Variants in PPFIBP2 observed in about 807,000 individuals in gnomAD.
The protein encoded by PPFIBP2 is liprin-beta-2.
A neutral mutation model predicts 118.3 loss-of-function variants in PPFIBP2; 118 were observed. The ratio of observed to expected loss-of-function variants is 1.00; its 90% confidence interval spans 0.86 to 1.16. The LOEUF (loss-of-function observed/expected upper bound fraction) is 1.16. Ranked by LOEUF, PPFIBP2 falls within the 50% of genes most tolerant of loss-of-function variation. The probability of loss-of-function intolerance (pLI) is 0.00; values close to 1 mark genes in which losing one functional copy is unlikely to be tolerated. For missense variants in PPFIBP2, 1,195 were observed against 1,073.1 expected (o/e 1.11, Z -1.59); for synonymous variants, 414 against 397.4 (o/e 1.04, Z -0.50).
chr11:7,654,335 G>A (rs987043099), downstream of PPFIBP2, among the ~76,000 whole-genome samples: 1 of 152,192 alleles, frequency 6.6e-6, no homozygotes, highest in Admixed American at 6.5e-5. Context: ...TGCCAGTCTG[G>A]ACTCCTGGTC....
chr11:7,567,062 G>A (rs1855080546), intron 3 of PPFIBP2, among the ~76,000 whole-genome samples: 1 of 152,090 alleles, frequency 6.6e-6, no homozygotes, highest in South Asian at 2.1e-4. Context: ...ATAACGTTTA[G>A]GTGCTTTCTG....
At chr11:7,584,259 C>G (rs1019752487) in intron 3 of PPFIBP2, among the ~76,000 whole-genome samples, 5 of 152,122 alleles carry the variant, frequency 3.3e-5, no homozygotes, top group African/African-American at 1.2e-4. Context: ...ATTGGTCAAC[C>G]AAGAAGCTAT....
chr11:7,536,436 C>G (rs1851222747), intron 1 of PPFIBP2, among the ~76,000 whole-genome samples: 1 of 151,990 alleles, frequency 6.6e-6, no homozygotes, highest in Admixed American at 6.6e-5. Flanking sequence ...GAGGAAGGAG[C>G]AGAAGAGGGA....
intron 2 of PPFIBP2, among the ~76,000 whole-genome samples, chr11:7,555,599 C>T (rs1853519934): frequency 6.6e-6 from 1 of 152,120 alleles, no homozygotes; most frequent in African/African-American, 2.4e-5. Flanking sequence ...TTGTGAGAGC[C>T]CTGCTAGGAC....
intron 1 of PPFIBP2, among the ~76,000 whole-genome samples, chr11:7,544,772 T>C (rs1590183960): frequency 1.2e-5 from 1 of 86,144 alleles, no homozygotes; most frequent in Non-Finnish European, 2.2e-5. Flanking sequence ...AGACTCCATC[T>C]AAAAAAAAAA....
intron 3 of PPFIBP2, among the ~76,000 whole-genome samples, chr11:7,591,014 C>T (rs942391251): frequency 3.9e-5 from 6 of 152,176 alleles, no homozygotes; most frequent in African/African-American, 9.7e-5. Context: ...TGGCTGCTAG[C>T]GTGGATCTAG....
At chr11:7,610,033 T>A (rs995073199) in intron 5 of PPFIBP2, among the ~76,000 whole-genome samples, 2 of 152,254 alleles carry the variant, frequency 1.3e-5, no homozygotes, top group Admixed American at 1.3e-4. Context: ...TAATGGTCTC[T>A]ATGGGCAAAC....
intron 1 of PPFIBP2, among the ~76,000 whole-genome samples, chr11:7,539,957 G>A (rs1245595837): frequency 6.6e-6 from 1 of 152,186 alleles, no homozygotes; most frequent in Non-Finnish European, 1.5e-5. Flanking sequence ...GTCCCACAAT[G>A]TGTCTCTTTT....
At position 7,641,081 on chromosome 11, in the gene PPFIBP2, C is replaced by A. The variant is rs1441871273; in HGVS notation, c.1376-398C>A. On this transcript the variant is annotated intron_variant, in intron 15 of 23. Coordinates refer to ENST00000299492, the MANE Select transcript of PPFIBP2 (RefSeq NM_003621.5). Reference sequence around the variant, plus strand: ...CCCGTATTAGGTACTGTACCCATTCCAGGTGAGGTGGAGAGTGAGAATGCC... The same window carrying A: ...CCCGTATTAGGTACTGTACCCATTCAAGGTGAGGTGGAGAGTGAGAATGCC... 4.7e-6 allele frequency: 6 copies of A among 1,265,850 alleles called. No homozygotes were observed. In the South Asian group the frequency reaches 6.2e-5, roughly 13 times the overall value. The allele number at this position is 1,265,850 out of a possible 1,614,324, so 78.4% of individuals were successfully genotyped here. A position where few individuals can be genotyped will look rare whatever the true frequency, so the allele number is the denominator to read the frequency against.
At chr11:7,641,704 C>T in intron 16 of PPFIBP2, 84 bp downstream of exon 16, 1 of 1,328,726 alleles carries the variant, frequency 7.5e-7, no homozygotes, top group African/African-American at 1.5e-5. Context: ...GCCCCTGGTC[C>T]AATAGACACT....
At chr11:7,628,594 G>A (rs1850331734) in intron 9 of PPFIBP2, among the ~76,000 whole-genome samples, 2 of 152,132 alleles carry the variant, frequency 1.3e-5, no homozygotes, top group Non-Finnish European at 2.9e-5. Context: ...TGTTCCTGCT[G>A]GTGTGGGGGG....
Position 7,653,089 on chromosome 11 carries a change from C to G in PPFIBP2, c.2502C>G (p.Asp834Glu). The G allele has an allele frequency of 6.2e-7, 1 of 1,613,952 alleles. No individual in the cohort carries two copies. Among genetic ancestry groups the G allele is most frequent in the East Asian group, 2.2e-5 (1 of 44,874 alleles). ...AAAAGAAGTTCGATGAATCGACGGA[C>G]TACATTTGCCCAATGGAGCCCAGTG... ...IRKKKFDEST[D>E]YICPMEPSDG... The change falls in exon 24 of 24, where the codon GAC (aspartate) becomes GAG (glutamate). Residue 834 changes from aspartate to glutamate, a missense_variant. By Grantham distance (45) the Asp-to-Glu change is conservative. Transcript: ENST00000299492.
At chr11:7,657,609 ATG>A (rs946148234), downstream of PPFIBP2, among the ~76,000 whole-genome samples, 1 of 152,038 alleles carries the variant, frequency 6.6e-6, no homozygotes, top group Non-Finnish European at 1.5e-5. Flanking sequence ...CTTCCCAAAC[ATG>A]TCTGTTTCCT....
At chr11:7,562,976 T>TAC (rs1362495585) in intron 2 of PPFIBP2, among the ~76,000 whole-genome samples, 2 of 100,470 alleles carry the variant, frequency 2.0e-5, no homozygotes, top group Middle Eastern at 5.0e-3. Flanking sequence ...TATATATATA[T>TAC]ACACGCACAC....
intron 4 of PPFIBP2, chr11:7,597,174 C>T: frequency 1.4e-5 from 20 of 1,465,026 alleles, no homozygotes; most frequent in Non-Finnish European, 1.8e-5. Context: ...TTGGACCGCT[C>T]TTCCACACGA....
Position 7,597,276 on chromosome 11 carries a change from G to GCAGC in PPFIBP2, c.373-283_373-280dup. 3.9e-6 allele frequency: 6 copies of GCAGC among 1,535,518 alleles called. No homozygotes were observed. In the South Asian group the frequency reaches 7.1e-5, roughly 18 times the overall value. The stretch of plus-strand genomic sequence containing the variant: ...TAAGGAGCAGGAGTCCAGCCCAGAG[G>GCAGC]CAGCTCCTGTGGCTGTTGGGTGTTT... On this transcript the variant is annotated intron_variant, in intron 4 of 23. Transcript: ENST00000299492.
At chr11:7,621,115 A>C (rs1380169268) in intron 7 of PPFIBP2, 88 bp downstream of exon 7, 1 of 1,036,130 alleles carries the variant, frequency 9.7e-7, no homozygotes, top group African/African-American at 1.6e-5. Context: ...CCAGTAGCCT[A>C]AGTTTGAAAA....
intron 3 of PPFIBP2, among the ~76,000 whole-genome samples, chr11:7,592,331 A>G (rs12223997): frequency 0.38 from 57,943 of 151,742 alleles, 11,104 homozygotes; most frequent in African/African-American, 0.42. Flanking sequence ...TCTGCTTGGG[A>G]CATTTGTAAG....
intron 11 of PPFIBP2, 23 bp downstream of exon 11, chr11:7,631,051 G>A (rs369137568): frequency 2.4e-5 from 38 of 1,588,154 alleles, no homozygotes; most frequent in African/African-American, 9.4e-5. Flanking sequence ...CATCCATGAC[G>A]TAGGGTTTCA....
Sources: allele counts gnomAD v4.1 joint callset (sites outside exome capture counted in the v4.1 genomes callset), GRCh38; gene constraint gnomAD v4.1.1; transcripts MANE v1.5; gene names NCBI Gene and HGNC (gene_info 2026-07-23, HGNC 2026-07-21).